Variants in AGO4 observed in about 807,000 individuals in gnomAD.
The protein encoded by AGO4 is argonaute RISC component 4, also known as protein argonaute-4.
A neutral mutation model predicts 104.7 loss-of-function variants in AGO4; 33 were observed. That is an observed-to-expected ratio of 0.32 (90% CI 0.24 to 0.42). The LOEUF is 0.42. Ranked by LOEUF, AGO4 falls within the 10% of genes least tolerant of loss-of-function variation. AGO4 has a pLI of 1.00. For missense variants in AGO4, 711 were observed against 1,083.4 expected (o/e 0.66, Z 4.83); for synonymous variants, 331 against 364.7 (o/e 0.91, Z 1.05).
chr1:35,851,152 G>C, intron 17 of AGO4, 99 bp downstream of exon 17: 1 of 1,214,244 alleles, frequency 8.2e-7, no homozygotes, highest in South Asian at 1.5e-5. Context: ...TAAACTTTCA[G>C]AGTTTAAATT....
chr1:35,835,303 C>T (rs572126312), intron 12 of AGO4, among the ~76,000 whole-genome samples: 13 of 152,144 alleles, frequency 8.5e-5, no homozygotes, highest in African/African-American at 2.9e-4. Flanking sequence ...GTGATCCACC[C>T]GCCTTGGCCT....
At chr1:35,851,961 A>G (rs1175559094) in intron 17 of AGO4, among the ~76,000 whole-genome samples, 1 of 152,238 alleles carries the variant, frequency 6.6e-6, no homozygotes, top group Non-Finnish European at 1.5e-5. Context: ...GTCAGTACAG[A>G]TAAAAGTGCA....
chr1:35,845,540 T>G (rs1644552352), intron 15 of AGO4, among the ~76,000 whole-genome samples: 1 of 152,046 alleles, frequency 6.6e-6, no homozygotes, highest in African/African-American at 2.4e-5. Context: ...TCTTTCTCCC[T>G]CTCTCCATTA....
At chr1:35,811,160 C>T (rs141453940) in intron 1 of AGO4, among the ~76,000 whole-genome samples, 4 of 151,146 alleles carry the variant, frequency 2.6e-5, no homozygotes, top group Non-Finnish European at 4.4e-5. Flanking sequence ...CAAAAAAAAA[C>T]CAACCAAACC....
At chr1:35,852,902 A>G (rs1644735488) in intron 17 of AGO4, among the ~76,000 whole-genome samples, 2 of 152,156 alleles carry the variant, frequency 1.3e-5, no homozygotes. Context: ...GGATACTGTT[A>G]AGGATTGTGT....
chr1:35,819,462 CTCACAT>C (rs1166394635), intron 2 of AGO4, among the ~76,000 whole-genome samples: 4 of 151,676 alleles, frequency 2.6e-5, no homozygotes, highest in Non-Finnish European at 5.9e-5. Context: ...CGCGCGGTGG[CTCACAT>C]CTTTGGATGT....
chr1:35,823,492 C>G (rs1487151073), intron 3 of AGO4, among the ~76,000 whole-genome samples: 1 of 152,132 alleles, frequency 6.6e-6, no homozygotes, highest in Non-Finnish European at 1.5e-5. Context: ...GTGGCGCGAT[C>G]TCGGCGCAGT....
chr1:35,821,122 C>T (rs965470223), intron 2 of AGO4, among the ~76,000 whole-genome samples: 3 of 152,046 alleles, frequency 2.0e-5, no homozygotes, highest in Non-Finnish European at 4.4e-5. Context: ...TACGAGGTTG[C>T]TGTGAAGATT....
rs1644688381 is a variant in AGO4 at position 35,850,911 on chromosome 1, G to C, written c.2335G>C (p.Asp779His). The stretch of plus-strand genomic sequence containing the variant: ...GTGGGATGACAACTGCTTCACTGCA[G>C]ATGAACTCCAGCTACTGACTTACCA... ...VLWDDNCFTA[D>H]ELQLLTYQLC... The change falls in exon 17 of 18, where the codon GAT becomes CAT. Residue 779 changes from aspartate (D) to histidine (H), a missense_variant. Asp to His is a moderately conservative substitution (Grantham distance 81). Transcript: ENST00000373210. 1 of 1,613,074 alleles carries C rather than the reference G, an allele frequency of 6.2e-7. No individual in the cohort carries two copies. The highest frequency in any genetic ancestry group is 1.1e-5 in the South Asian group (1 of 91,060).
In AGO4 at chr1:35,857,160, C is replaced by G. The variant is rs1644835276; in HGVS notation, c.*3555C>G. The G allele has an allele frequency of 6.6e-6, 1 of 152,186 alleles. No individual in the cohort carries two copies. 9.4% of individuals were successfully genotyped at this position (152,186 alleles called of 1,614,324 possible). A position where few individuals can be genotyped will look rare whatever the true frequency, so the allele number is the denominator to read the frequency against. ...AATCCACTGTTTAACAAGGCTCACC[C>G]TCTCCACCCTGTCCTAACGACCTTT... On this transcript the variant is annotated 3_prime_UTR_variant, in exon 18 of 18. Transcript: ENST00000373210.
chr1:35,826,083 T>C, intron 6 of AGO4, 23 bp downstream of exon 6: 2 of 1,612,514 alleles, frequency 1.2e-6, no homozygotes, highest in Non-Finnish European at 1.7e-6. Flanking sequence ...ATTAATGTAG[T>C]CTTGGAGAAG....
chr1:35,835,923 C>G lies in AGO4; in HGVS notation c.1654C>G (p.Leu552Val), dbSNP rs1644302594. 1.2e-6 allele frequency: 2 copies of G among 1,613,980 alleles called. No homozygotes were observed. Among genetic ancestry groups the G allele is most frequent in the Non-Finnish European group, 1.7e-6 (2 of 1,180,010 alleles). Residue 552 changes from leucine to valine, a missense_variant, in exon 13 of 18, where the codon CTT becomes GTT. Transcript: ENST00000373210. ...KNVVKTSPQT[L>V]SNLCLKINAK... Reference sequence around the variant, plus strand: ...TGTAGTGAAGACCTCACCTCAAACCCTTTCCAATCTTTGCCTGAAGATAAA... The same window carrying G: ...TGTAGTGAAGACCTCACCTCAAACCGTTTCCAATCTTTGCCTGAAGATAAA...
At chr1:35,809,839 TAA>T (rs1322153215) in intron 1 of AGO4, among the ~76,000 whole-genome samples, 5 of 152,242 alleles carry the variant, frequency 3.3e-5, no homozygotes, top group Admixed American at 6.5e-5. Flanking sequence ...GAGTATATGA[TAA>T]GTCTTATTGT....
At position 35,841,087 on chromosome 1, in the gene AGO4, T is replaced by A; in HGVS notation, c.1725-78T>A. 1 of 1,443,282 alleles carries A rather than the reference T, an allele frequency of 6.9e-7. No individual in the cohort carries two copies. Among genetic ancestry groups the A allele is most frequent in the Non-Finnish European group, 9.6e-7 (1 of 1,046,040 alleles). The allele number at this position is 1,443,282 out of a possible 1,614,324, so 89.4% of individuals were successfully genotyped here. On this transcript the variant is annotated intron_variant, in intron 13 of 17. Transcript: ENST00000373210. The surrounding 1 kb of genome is among the most constrained non-coding windows in gnomAD (Gnocchi z 4.7). ...TCTTATAAGGTTATATCTGATTATA[T>A]CTGGTGATATAATCTTGCTAAACTC...
At chr1:35,835,083 TCA>T (rs1421021469) in intron 12 of AGO4, among the ~76,000 whole-genome samples, 1 of 142,616 alleles carries the variant, frequency 7.0e-6, no homozygotes, top group Non-Finnish European at 1.5e-5. Context: ...CAATCTTGAC[TCA>T]CTGCAGCCTC....
At chr1:35,834,705 T>G (rs1173335826) in intron 12 of AGO4, among the ~76,000 whole-genome samples, 1 of 151,158 alleles carries the variant, frequency 6.6e-6, no homozygotes, top group South Asian at 2.1e-4. Flanking sequence ...GGAACTATTA[T>G]TGTTGATGAG....
rs1644759780 is a variant in AGO4 at position 35,853,706 on chromosome 1, G to C, written c.*101G>C. On this transcript the variant is annotated 3_prime_UTR_variant, in exon 18 of 18. Coordinates refer to ENST00000373210, the MANE Select transcript of AGO4 (RefSeq NM_017629.4). ...GATCGAGCCACGTTGACTTCAGGTGGTCTTCTACCAGCAGCTCGGAATAGT... is the reference window on the plus strand; with the variant it reads ...GATCGAGCCACGTTGACTTCAGGTGCTCTTCTACCAGCAGCTCGGAATAGT... 2.2e-6 allele frequency: 2 copies of C among 919,626 alleles called. No individual in the cohort carries two copies. Among genetic ancestry groups the C allele is most frequent in the African/African-American group, 1.7e-5 (1 of 60,546 alleles). The allele number at this position is 919,626 out of a possible 1,614,324, so 57.0% of individuals were successfully genotyped here.
intron 1 of AGO4, among the ~76,000 whole-genome samples, chr1:35,815,038 C>T (rs921158893): frequency 3.3e-5 from 5 of 152,070 alleles, no homozygotes; most frequent in East Asian, 1.9e-4. Context: ...CCACCGTGCC[C>T]GGCTAATTTT....
chr1:35,841,612 C>G lies in AGO4; in HGVS notation c.2041-4C>G. The G allele has an allele frequency of 1.2e-6, 2 of 1,614,014 alleles. No homozygotes were observed. Among genetic ancestry groups the G allele is most frequent in the Non-Finnish European group, 1.7e-6 (2 of 1,179,980 alleles). ...TTAAACATAATTCCATTTCTGTCTT[C>G]TAGGTAGCTTGGCCAGAACTAATAG... On this transcript the variant is annotated splice_region_variant and splice_polypyrimidine_tract_variant and intron_variant, in intron 14 of 17. Coordinates refer to ENST00000373210, the MANE Select transcript of AGO4 (RefSeq NM_017629.4). The surrounding 1 kb of genome is among the most constrained non-coding windows in gnomAD (Gnocchi z 4.7).
Sources: allele counts gnomAD v4.1 joint callset (sites outside exome capture counted in the v4.1 genomes callset), GRCh38; gene constraint gnomAD v4.1.1; non-coding constraint Gnocchi (gnomAD v3.1); transcripts MANE v1.5; gene names NCBI Gene and HGNC (gene_info 2026-07-23, HGNC 2026-07-21).